The following ADAMTS17 variants were observed in gnomAD, a reference collection of about 807,000 sequenced individuals.
ADAMTS17 encodes ADAM metallopeptidase with thrombospondin type 1 motif 17.
In ADAMTS17, 113 loss-of-function variants were observed where a neutral mutation model predicts 141.5. The ratio of observed to expected loss-of-function variants is 0.80; its 90% CI spans 0.69 to 0.93. The LOEUF is 0.93. Ranked by LOEUF, ADAMTS17 falls within the 40% of genes least tolerant of loss-of-function variation. The pLI is 0.00. For synonymous variants in ADAMTS17, 768 were observed against 630.6 expected (o/e 1.22, Z -3.27); for missense variants, 1,659 against 1,517.9 (o/e 1.09, Z -1.54).
intron 20 of ADAMTS17, among the ~76,000 whole-genome samples, chr15:99,987,630 A>G (rs1194628660): frequency 6.6e-6 from 1 of 152,236 alleles, no homozygotes; most frequent in Non-Finnish European, 1.5e-5. Context: ...AAACAGTCCG[A>G]ATCAGACAAA....
intron 15 of ADAMTS17, among the ~76,000 whole-genome samples, chr15:100,078,768 G>A (rs2034545244): frequency 6.6e-6 from 1 of 152,176 alleles, no homozygotes; most frequent in Non-Finnish European, 1.5e-5. Flanking sequence ...ACCATCAAGA[G>A]AGTGAAAAGC....
rs117344866 is a variant in ADAMTS17, at chr15:100,123,902, T to C, written c.1722-6889A>G. 6.2e-4 allele frequency among the ~76,000 whole-genome samples: 94 copies of C among 152,114 alleles called. 1 individual carries two copies. The East Asian group carries it at 0.01, about 17-fold the overall frequency. ...GACAGCCTGACTCACTGACCAGTCATCGGGGTGTGATGGGTTTTTTAATTT... is the reference window on the plus strand; with the variant it reads ...GACAGCCTGACTCACTGACCAGTCACCGGGGTGTGATGGGTTTTTTAATTT... On this transcript the variant is annotated intron_variant, in intron 12 of 21. Transcript: ENST00000268070.
chr15:100,037,437 G>A lies in ADAMTS17; in HGVS notation c.2591+11420C>T, dbSNP rs559077346. Among the ~76,000 whole-genome samples, 14 of 149,256 alleles carry A rather than the reference G, an allele frequency of 9.4e-5. No individual in the cohort carries two copies. The East Asian group carries it at 2.8e-3, about 29-fold the overall frequency. Reference sequence around the variant, plus strand: ...TTTTTTTTCTTCTTTTTGAGACAGAGTCTCACTCTGTAGCCCAAGCTGGAG... The same window carrying A: ...TTTTTTTTCTTCTTTTTGAGACAGAATCTCACTCTGTAGCCCAAGCTGGAG... On this transcript the variant is annotated intron_variant, in intron 18 of 21. Coordinates refer to ENST00000268070, the MANE Select transcript of ADAMTS17 (RefSeq NM_139057.4).
chr15:100,195,380 C>T (rs541078920), intron 8 of ADAMTS17, among the ~76,000 whole-genome samples: 8 of 152,094 alleles, frequency 5.3e-5, no homozygotes, highest in African/African-American at 1.2e-4. Flanking sequence ...AGTGGTTACA[C>T]GGGAGTTAAT....
rs571360593 is a variant in ADAMTS17 at position 100,066,190 on chromosome 15, G to A, written c.2138-12136C>T. On this transcript the variant is annotated intron_variant, in intron 15 of 21. Transcript: ENST00000268070. ...AAACAGTGCTGCAATAAACACACGTGGGGACATTCTCTTTTTGAATACTTA... is the reference window on the plus strand; with the variant it reads ...AAACAGTGCTGCAATAAACACACGTAGGGACATTCTCTTTTTGAATACTTA... Among the ~76,000 whole-genome samples the A allele has an allele frequency of 5.9e-5, 9 of 152,162 alleles. No individual in the cohort carries two copies. The East Asian group carries it at 1.7e-3, about 30-fold the overall frequency.
chr15:100,251,841 C>T (rs2043165464), intron 7 of ADAMTS17, among the ~76,000 whole-genome samples: 1 of 152,254 alleles, frequency 6.6e-6, no homozygotes, highest in Non-Finnish European at 1.5e-5. Context: ...CAGGCAGGTG[C>T]GCACACAGAG....
intron 8 of ADAMTS17, among the ~76,000 whole-genome samples, chr15:100,176,072 T>C (rs1056687602): frequency 6.6e-6 from 1 of 151,806 alleles, no homozygotes; most frequent in African/African-American, 2.4e-5. Context: ...CCTCATGAGG[T>C]GGATGGTAAA....
At chr15:99,989,924 C>T (rs556072947) in intron 20 of ADAMTS17, among the ~76,000 whole-genome samples, 3 of 152,172 alleles carry the variant, frequency 2.0e-5, no homozygotes, top group African/African-American at 7.2e-5. Flanking sequence ...GAGAAACAGG[C>T]AGGGTCAGTG....
intron 18 of ADAMTS17, among the ~76,000 whole-genome samples, chr15:100,011,192 C>G (rs1019426341): frequency 7.4e-6 from 1 of 135,250 alleles, no homozygotes; most frequent in African/African-American, 2.8e-5. Context: ...CAGGGTCTTT[C>G]CATGTTTTCC....
intron 8 of ADAMTS17, among the ~76,000 whole-genome samples, chr15:100,173,545 A>T (rs1157218733): frequency 2.0e-5 from 3 of 152,190 alleles, no homozygotes; most frequent in African/African-American, 7.2e-5. Flanking sequence ...TTTCTGCTCC[A>T]AAAGGGAAGC....
chr15:100,332,208 C>A (rs1418614561), intron 2 of ADAMTS17, among the ~76,000 whole-genome samples: 2 of 152,250 alleles, frequency 1.3e-5, no homozygotes, highest in African/African-American at 4.8e-5. Flanking sequence ...GCATGACCTG[C>A]AGGAGAGCAC....
At chr15:100,257,870 C>T (rs2043378526) in intron 6 of ADAMTS17, among the ~76,000 whole-genome samples, 1 of 152,224 alleles carries the variant, frequency 6.6e-6, no homozygotes, top group African/African-American at 2.4e-5. Context: ...ACCTTTCCAT[C>T]ACCCCACACC....
At chr15:100,096,231 T>A (rs2035747387) in intron 15 of ADAMTS17, 125 bp downstream of exon 15, 1 of 1,502,176 alleles carries the variant, frequency 6.7e-7, no homozygotes, top group African/African-American at 1.4e-5. Flanking sequence ...AAACTGAAGT[T>A]CCAGGTCACC....
At chr15:100,007,155 T>C (rs1283803564) in intron 18 of ADAMTS17, among the ~76,000 whole-genome samples, 1 of 152,110 alleles carries the variant, frequency 6.6e-6, no homozygotes, top group African/African-American at 2.4e-5. Context: ...GGAGCTTGGG[T>C]TGGGTCCTGA....
At chr15:99,983,655 A>G (rs993506978) in intron 20 of ADAMTS17, among the ~76,000 whole-genome samples, 47 of 151,988 alleles carry the variant, frequency 3.1e-4, no homozygotes. Context: ...AGAGTGGCCC[A>G]GGCAGGGCTG....
At chr15:100,197,891 G>A (rs1365320152) in intron 8 of ADAMTS17, among the ~76,000 whole-genome samples, 2 of 152,174 alleles carry the variant, frequency 1.3e-5, no homozygotes, top group Admixed American at 6.5e-5. Flanking sequence ...GGATGAAGCT[G>A]GAAACCATCA....
At chr15:100,207,367 G>A (rs1355136086) in intron 7 of ADAMTS17, among the ~76,000 whole-genome samples, 1 of 152,152 alleles carries the variant, frequency 6.6e-6, no homozygotes, top group African/African-American at 2.4e-5. Flanking sequence ...ACTGTGTGCT[G>A]TGTAAGCCTC....
chr15:100,063,603 T>C (rs1326760277), intron 15 of ADAMTS17: 26 of 1,244,520 alleles, frequency 2.1e-5, no homozygotes, highest in South Asian at 2.5e-5. Flanking sequence ...GGAATGACAC[T>C]GAACCAATTT....
chr15:100,065,522 C>A (rs1322534608), intron 15 of ADAMTS17, among the ~76,000 whole-genome samples: 2 of 151,928 alleles, frequency 1.3e-5, no homozygotes, highest in Admixed American at 1.3e-4. Context: ...AGTCTTTATG[C>A]CTTTAGTTTC....
Sources: allele counts gnomAD v4.1 joint callset (sites outside exome capture counted in the v4.1 genomes callset), GRCh38; gene constraint gnomAD v4.1.1; transcripts MANE v1.5; gene names NCBI Gene and HGNC (gene_info 2026-07-23, HGNC 2026-07-21).